The following RASA1 variants were observed in gnomAD, a reference collection of about 807,000 sequenced individuals.
The protein encoded by RASA1 is ras GTPase-activating protein 1.
Under a neutral mutation model 132.2 loss-of-function variants are expected in RASA1, and 25 were observed. That is an observed-to-expected ratio of 0.19 (90% CI 0.14 to 0.26). RASA1 has a LOEUF of 0.26. Ranked by LOEUF, RASA1 falls within the 10% of genes least tolerant of loss-of-function variation. The probability of loss-of-function intolerance (pLI) is 1.00; values close to 1 mark genes in which losing one functional copy is unlikely to be tolerated. For synonymous variants in RASA1, 477 were observed against 449.9 expected (o/e 1.06, Z -0.76); for missense variants, 964 against 1,299.2 (o/e 0.74, Z 3.97).
chr5:87,332,316 T>C lies in RASA1; in HGVS notation c.693-191T>C, dbSNP rs141147099. ...ATGTATTTCACATCAAATGCATGTA[T>C]ATATATGTAAGAGAAATAGCCCCAA... On this transcript the variant is annotated intron_variant, in intron 2 of 24. Transcript: ENST00000274376. Among the ~76,000 whole-genome samples, 619 of 152,210 alleles carry C rather than the reference T, an allele frequency of 4.1e-3. 6 individuals are homozygous for C. Among genetic ancestry groups the C allele is most frequent in the African/African-American group, 0.014 (596 of 41,564 alleles).
chr5:87,289,601 G>A (rs1754824939), intron 1 of RASA1, among the ~76,000 whole-genome samples: 1 of 151,978 alleles, frequency 6.6e-6, no homozygotes, highest in African/African-American at 2.4e-5. Flanking sequence ...AGGCATGCAT[G>A]TATTTTATTT....
intron 6 of RASA1, among the ~76,000 whole-genome samples, chr5:87,346,357 C>A (rs1452301779): frequency 7.9e-5 from 12 of 151,950 alleles, no homozygotes; most frequent in African/African-American, 2.4e-5. Flanking sequence ...ACTCCTCCTT[C>A]CCCTTACCCC....
intron 1 of RASA1, among the ~76,000 whole-genome samples, chr5:87,285,033 C>CATTT (rs34217012): frequency 0.26 from 35,215 of 136,778 alleles, 4,977 homozygotes; most frequent in East Asian, 0.38. Flanking sequence ...ATAATGGTAC[C>CATTT]ATTTATTTAT....
Position 87,278,390 on chromosome 5 carries a change from CAA to C in RASA1, c.539+9414_539+9415del, listed in dbSNP as rs55633664. Among the ~76,000 whole-genome samples the C allele has an allele frequency of 1.9e-3, 239 of 126,404 alleles. 1 individual carries two copies. The highest frequency in any genetic ancestry group is 7.7e-3 in the Middle Eastern group (2 of 260). The allele number at this position is 126,404 out of a possible 152,430, so 82.9% of individuals were successfully genotyped here. On this transcript the variant is annotated intron_variant, in intron 1 of 24. Coordinates refer to ENST00000274376, the MANE Select transcript of RASA1 (RefSeq NM_002890.3). ...TGAAACCCCGTCTCTACTAAAAATA[CAA>C]AAAAAAAAAAAAATTAGCTGGGCGT...
chr5:87,354,895 A>C (rs949961313), intron 9 of RASA1, among the ~76,000 whole-genome samples: 6 of 152,208 alleles, frequency 3.9e-5, no homozygotes, highest in Admixed American at 1.3e-4. Flanking sequence ...ATTGAAGATT[A>C]AACCAGGGAT....
intron 1 of RASA1, among the ~76,000 whole-genome samples, chr5:87,308,550 C>A (rs1304614882): frequency 6.6e-6 from 1 of 152,004 alleles, no homozygotes; most frequent in African/African-American, 2.4e-5. Context: ...AGGAAAAAGT[C>A]TTTACTCCCT....
chr5:87,355,813 G>A (rs1430505000), intron 9 of RASA1, among the ~76,000 whole-genome samples: 1 of 152,206 alleles, frequency 6.6e-6, no homozygotes, highest in Non-Finnish European at 1.5e-5. Flanking sequence ...ATTAACAGAA[G>A]TTTGGAAGAA....
chr5:87,285,102 T>A (rs1277778688), intron 1 of RASA1, among the ~76,000 whole-genome samples: 1 of 151,324 alleles, frequency 6.6e-6, no homozygotes, highest in Non-Finnish European at 1.5e-5. Context: ...GGAGTCTTGT[T>A]CTGTCGCCAG....
intron 1 of RASA1, among the ~76,000 whole-genome samples, chr5:87,287,640 T>C (rs1350653477): frequency 6.9e-6 from 1 of 144,844 alleles, no homozygotes; most frequent in African/African-American, 2.7e-5. Context: ...GCCATAGATA[T>C]ACCATATATA....
intron 1 of RASA1, among the ~76,000 whole-genome samples, chr5:87,299,524 CTT>C (rs891043852): frequency 2.0e-5 from 3 of 152,114 alleles, no homozygotes; most frequent in South Asian, 2.1e-4. Flanking sequence ...ATATGGTTCT[CTT>C]TTCTTTTTTA....
Position 87,268,872 on chromosome 5 carries a change from C to A in RASA1, c.421C>A (p.Pro141Thr), listed in dbSNP as rs1303085373. 1 of 1,614,198 alleles carries A rather than the reference C, an allele frequency of 6.2e-7. No homozygotes were observed. Among genetic ancestry groups the A allele is most frequent in the Non-Finnish European group, 8.5e-7 (1 of 1,180,028 alleles). The change falls in exon 1 of 25, where the codon CCT becomes ACT. Residue 141 changes from proline to threonine, a missense_variant. Pro to Thr is a conservative substitution (Grantham distance 38). Coordinates refer to ENST00000274376, the MANE Select transcript of RASA1 (RefSeq NM_002890.3). ...GGGFPPLPPP[P>T]YLPPLGAGLG... is the part of the protein sequence containing the mutation. ...CGGTTTTCCCCCTCTGCCCCCTCCC[C>A]CTTACCTGCCCCCTTTGGGGGCGGG...
intron 23 of RASA1, among the ~76,000 whole-genome samples, chr5:87,388,768 T>C (rs1420129418): frequency 6.6e-6 from 1 of 152,160 alleles, no homozygotes. Context: ...TTATATGCAT[T>C]ATCAACTTAG....
chr5:87,283,476 T>G (rs968664920), intron 1 of RASA1, among the ~76,000 whole-genome samples: 1 of 151,994 alleles, frequency 6.6e-6, no homozygotes, highest in Non-Finnish European at 1.5e-5. Flanking sequence ...TAAATATGAT[T>G]AATATATGTT....
At position 87,374,821 on chromosome 5, in the gene RASA1, T is replaced by C. The variant is rs1761211928; in HGVS notation, c.1935-19T>C. On this transcript the variant is annotated intron_variant, in intron 14 of 24. Coordinates refer to ENST00000274376, the MANE Select transcript of RASA1 (RefSeq NM_002890.3). ...ATGCCAAAACATTTTGTTAATTCTT[T>C]TTCTCCTTGCTCCTTTAGTGATCTT... 1.2e-6 allele frequency: 2 copies of C among 1,608,900 alleles called. No individual in the cohort carries two copies. The highest frequency in any genetic ancestry group is 1.7e-6 in the Non-Finnish European group (2 of 1,177,274).
intron 13 of RASA1, among the ~76,000 whole-genome samples, chr5:87,373,598 A>G (rs1364156474): frequency 1.3e-5 from 2 of 152,154 alleles, no homozygotes; most frequent in African/African-American, 4.8e-5. Flanking sequence ...ATGGCAAGAG[A>G]GAAAGAGAAC....
At chr5:87,348,853 C>T (rs563956779) in intron 7 of RASA1, among the ~76,000 whole-genome samples, 16 of 151,872 alleles carry the variant, frequency 1.1e-4, no homozygotes, top group Non-Finnish European at 1.6e-4. Flanking sequence ...CTTCTTATTA[C>T]GAAGATTTAC....
chr5:87,269,070 G>T, intron 1 of RASA1, 80 bp downstream of exon 1: 1 of 1,614,020 alleles, frequency 6.2e-7, no homozygotes, highest in Non-Finnish European at 8.5e-7. Context: ...ATCATACTTT[G>T]TCCTTTTCAT....
At position 87,380,638 on chromosome 5, in the gene RASA1, T is replaced by G. The variant is rs1333678079; in HGVS notation, c.2690+43T>G. 2.0e-6 allele frequency: 3 copies of G among 1,480,368 alleles called. No homozygotes were observed. In the South Asian group the frequency reaches 3.4e-5, roughly 17 times the overall value. The allele number at this position is 1,480,368 out of a possible 1,614,324, so 91.7% of individuals were successfully genotyped here. A position where few individuals can be genotyped will look rare whatever the true frequency, so the allele number is the denominator to read the frequency against. On this transcript the variant is annotated intron_variant, in intron 20 of 24. Transcript: ENST00000274376. ...ATTTGTTAAATCACATACTAATAGG[T>G]GGATAATTGTGAAAAATTGAGGAAT... is the stretch of plus-strand genomic sequence containing the variant.
chr5:87,377,307 CTGTT>C (rs1435145415), intron 17 of RASA1: 1 of 467,056 alleles, frequency 2.1e-6, no homozygotes, highest in Non-Finnish European at 3.9e-6. Context: ...AATGGCTTGA[CTGTT>C]TGGCATATTT....
Sources: allele counts gnomAD v4.1 joint callset (sites outside exome capture counted in the v4.1 genomes callset), GRCh38; gene constraint gnomAD v4.1.1; transcripts MANE v1.5; gene names NCBI Gene and HGNC (gene_info 2026-07-23, HGNC 2026-07-21).